The following LRFN2 variants were observed in gnomAD, a reference collection of about 807,000 sequenced individuals.
LRFN2 encodes leucine-rich repeat and fibronectin type-III domain-containing protein 2.
Under a neutral mutation model 37.3 loss-of-function variants are expected in LRFN2, and 18 were observed. That is an observed-to-expected ratio of 0.48 (90% CI 0.33 to 0.72). The LOEUF is 0.72. LRFN2 is among the 30% of genes least tolerant of loss of function. The pLI is 0.02. For missense variants in LRFN2, 1,006 were observed against 1,060.7 expected, an observed-to-expected ratio of 0.95 and a Z score of 0.72; for synonymous variants, 556 against 466.6, an observed-to-expected ratio of 1.19 and a Z score of -2.47.
chr6:40,438,934 A>C (rs751479153), intron 1 of LRFN2, among the ~76,000 whole-genome samples: 5 of 152,184 alleles, frequency 3.3e-5, no homozygotes, highest in Non-Finnish European at 5.9e-5. Flanking sequence ...TTACATTTAA[A>C]ACAAAAGGGA....
intron 1 of LRFN2, among the ~76,000 whole-genome samples, chr6:40,511,237 A>G (rs1253106371): frequency 6.6e-6 from 1 of 152,178 alleles, no homozygotes; most frequent in East Asian, 1.9e-4. Flanking sequence ...AAAGTTCTAC[A>G]TGTGTTAGCT....
chr6:40,558,244 A>C (rs992393968), intron 1 of LRFN2, among the ~76,000 whole-genome samples: 1 of 152,194 alleles, frequency 6.6e-6, no homozygotes, highest in African/African-American at 2.4e-5. Flanking sequence ...CTCCCTGTGG[A>C]TCTAGGCAGG....
intron 1 of LRFN2, among the ~76,000 whole-genome samples, chr6:40,453,513 AACACACAC>A (rs5875719): frequency 0.029 from 3,457 of 119,758 alleles, 134 homozygotes; most frequent in African/African-American, 0.091. Flanking sequence ...CCCCAAGCCA[AACACACAC>A]ACACACACAC....
chr6:40,396,686 CTGTGTGTGTGTGTG>C (rs3997706), intron 2 of LRFN2, among the ~76,000 whole-genome samples: 17,451 of 135,214 alleles, frequency 0.13, 1,159 homozygotes, highest in South Asian at 0.29. Flanking sequence ...TTCCTCTGCT[CTGTGTGTGTGTGTG>C]TGTGTGTGTG....
At position 40,432,265 on chromosome 6, in the gene LRFN2, C is replaced by T. The variant is rs1305038430; in HGVS notation, c.849G>A (p.Glu283=). Residue 283 remains glutamate (E), a synonymous_variant, in exon 2 of 3, where the codon GAG becomes GAA. Transcript: ENST00000338305. ...GRYFWHVREE[E]FVCEPPLITQ... is the part of the protein sequence containing the mutation. Reference sequence around the variant, plus strand: ...TGATGAGAGGCGGCTCGCACACAAACTCCTCCTCACGCACATGCCAGAAGT... The same window carrying T: ...TGATGAGAGGCGGCTCGCACACAAATTCCTCCTCACGCACATGCCAGAAGT... The T allele has an allele frequency of 6.2e-7, 1 of 1,614,038 alleles. No homozygotes were observed. Among genetic ancestry groups the T allele is most frequent in the Admixed American group, 1.7e-5 (1 of 60,032 alleles).
At chr6:40,458,389 A>G (rs2113848189) in intron 1 of LRFN2, among the ~76,000 whole-genome samples, 1 of 152,372 alleles carries the variant, frequency 6.6e-6, no homozygotes, top group African/African-American at 2.4e-5. Flanking sequence ...TTATTTTAAA[A>G]AAGTACTATT....
chr6:40,461,182 A>C (rs1366407782), intron 1 of LRFN2, among the ~76,000 whole-genome samples: 1 of 152,116 alleles, frequency 6.6e-6, no homozygotes, highest in Non-Finnish European at 1.5e-5. Flanking sequence ...TGAGGTGGGA[A>C]GATGGCTTGA....
intron 1 of LRFN2, among the ~76,000 whole-genome samples, chr6:40,441,385 T>G (rs1763831794): frequency 6.6e-6 from 1 of 151,938 alleles, no homozygotes; most frequent in Non-Finnish European, 1.5e-5. Context: ...CCTGAGGGCG[T>G]GTGAGTGAGG....
chr6:40,414,586 A>G lies in LRFN2; in HGVS notation c.1400+17128T>C, dbSNP rs190150274. Among the ~76,000 whole-genome samples the G allele has an allele frequency of 1.7e-3, 253 of 152,362 alleles. 2 individuals carry two copies. Among genetic ancestry groups the G allele is most frequent in the African/African-American group, 5.5e-3 (227 of 41,594 alleles). ...TACTTAGCACTTTTGACCTAATTCC[A>G]TCCATTGGCTTTGTGATTTATAACC... is the stretch of plus-strand genomic sequence containing the variant. On this transcript the variant is annotated intron_variant, in intron 2 of 2. Transcript: ENST00000338305.
chr6:40,396,844 T>C (rs1029078835), intron 2 of LRFN2, among the ~76,000 whole-genome samples: 2 of 152,076 alleles, frequency 1.3e-5, no homozygotes, highest in Non-Finnish European at 2.9e-5. Flanking sequence ...AAGGTCAAGT[T>C]TGCCTTTTCT....
intron 1 of LRFN2, among the ~76,000 whole-genome samples, chr6:40,578,135 T>A (rs1767329387): frequency 6.6e-6 from 1 of 152,224 alleles, no homozygotes; most frequent in Admixed American, 6.5e-5. Flanking sequence ...TCAATACTCA[T>A]GTCCTGTGGC....
intron 1 of LRFN2, among the ~76,000 whole-genome samples, chr6:40,535,290 A>C (rs912444666): frequency 6.6e-6 from 1 of 152,202 alleles, no homozygotes; most frequent in Non-Finnish European, 1.5e-5. Context: ...ACCAGGCTTC[A>C]TGATGATTAC....
intron 1 of LRFN2, among the ~76,000 whole-genome samples, chr6:40,519,510 T>C (rs568317325): frequency 6.6e-5 from 10 of 152,336 alleles, no homozygotes; most frequent in African/African-American, 7.2e-5. Context: ...AGGCTTCAGA[T>C]TCAAGAGACC....
chr6:40,471,532 G>A (rs954882291), intron 1 of LRFN2, among the ~76,000 whole-genome samples: 14 of 152,168 alleles, frequency 9.2e-5, no homozygotes, highest in Admixed American at 2.0e-4. Flanking sequence ...CAGCTGGCCC[G>A]GTTCAAATTC....
chr6:40,570,238 A>G (rs1311528559), intron 1 of LRFN2, among the ~76,000 whole-genome samples: 5 of 152,296 alleles, frequency 3.3e-5, no homozygotes, highest in Admixed American at 6.5e-5. Context: ...ATATTTATTG[A>G]GCTGGGCACT....
At chr6:40,453,222 G>A (rs1764154828) in intron 1 of LRFN2, among the ~76,000 whole-genome samples, 1 of 152,076 alleles carries the variant, frequency 6.6e-6, no homozygotes, top group Non-Finnish European at 1.5e-5. Flanking sequence ...ATGTCAATAC[G>A]GTTGGAAGGA....
intron 1 of LRFN2, among the ~76,000 whole-genome samples, chr6:40,559,847 C>T (rs1286919973): frequency 1.3e-5 from 2 of 152,164 alleles, no homozygotes; most frequent in Admixed American, 6.5e-5. Context: ...CTTCATTTCT[C>T]CTTCTCTGCC....
chr6:40,578,358 T>G (rs921466178), intron 1 of LRFN2, among the ~76,000 whole-genome samples: 1 of 152,168 alleles, frequency 6.6e-6, no homozygotes, highest in African/African-American at 2.4e-5. Flanking sequence ...AACCCTCTCC[T>G]CCAAGATTCT....
At chr6:40,412,235 A>T (rs377738846) in intron 2 of LRFN2, among the ~76,000 whole-genome samples, 1 of 151,646 alleles carries the variant, frequency 6.6e-6, no homozygotes, top group African/African-American at 2.4e-5. Context: ...TTCCCGCCCC[A>T]CTCCCACTCC....
Sources: gnomAD v4.1 joint callset for allele counts (sites outside exome capture counted in the v4.1 genomes callset) on GRCh38, gnomAD v4.1.1 for gene constraint, MANE v1.5 for transcripts, NCBI Gene and HGNC (gene_info 2026-07-23, HGNC 2026-07-21) for gene names.